The following WDPCP variants were observed in gnomAD, a reference collection of about 807,000 sequenced individuals.
WDPCP encodes WD repeat-containing and planar cell polarity effector protein fritz homolog.
WDPCP carries 71 observed loss-of-function variants against 93.1 expected under a neutral mutation model. The observed-to-expected ratio is 0.76, with a 90% CI of 0.63 to 0.93. The LOEUF (loss-of-function observed/expected upper bound fraction) is 0.93, where lower values mean the gene tolerates loss of function less well. Among genes scored for constraint, WDPCP ranks in the 40% least tolerant of loss-of-function variants. The probability of loss-of-function intolerance (pLI) is 0.00; values close to 1 mark genes in which losing one functional copy is unlikely to be tolerated. For missense variants in WDPCP, 844 were observed against 887.4 expected, an observed-to-expected ratio of 0.95 and a Z score of 0.62; for synonymous variants, 315 against 315.0, an observed-to-expected ratio of 1.00 and a Z score of 0.00.
chr2:63,321,608 C>G (rs1687099731), intron 12 of WDPCP, among the ~76,000 whole-genome samples: 1 of 152,180 alleles, frequency 6.6e-6, no homozygotes, highest in African/African-American at 2.4e-5. Flanking sequence ...TTATTTGGTA[C>G]ACGGATATAA....
chr2:63,234,635 T>G (rs1377697981), intron 14 of WDPCP, among the ~76,000 whole-genome samples: 1 of 152,200 alleles, frequency 6.6e-6, no homozygotes, highest in African/African-American at 2.4e-5. Context: ...GTGATAAACA[T>G]TAAAGAAGAA....
At chr2:63,256,003 A>T (rs368555582) in intron 14 of WDPCP, among the ~76,000 whole-genome samples, 2 of 152,232 alleles carry the variant, frequency 1.3e-5, no homozygotes, top group South Asian at 4.1e-4. Flanking sequence ...TATGAAAACT[A>T]CAAAACATTT....
At chr2:63,408,213 A>C (rs1694746803) in intron 9 of WDPCP, among the ~76,000 whole-genome samples, 1 of 152,184 alleles carries the variant, frequency 6.6e-6, no homozygotes, top group South Asian at 2.1e-4. Flanking sequence ...CTCTGAAGGA[A>C]GCGGACTGCT....
intron 12 of WDPCP, among the ~76,000 whole-genome samples, chr2:63,371,379 G>C (rs1212287854): frequency 6.6e-6 from 1 of 151,910 alleles, no homozygotes; most frequent in Non-Finnish European, 1.5e-5. Context: ...CCTTCTCCTT[G>C]ACCTTCTAAG....
chr2:63,389,952 C>T (rs184199931), intron 10 of WDPCP, among the ~76,000 whole-genome samples: 19 of 152,250 alleles, frequency 1.2e-4, no homozygotes, highest in Non-Finnish European at 2.1e-4. Flanking sequence ...TAATGGGAGA[C>T]TTTAACATCC....
chr2:63,369,769 A>G (rs1367179656), intron 12 of WDPCP, among the ~76,000 whole-genome samples: 10 of 152,204 alleles, frequency 6.6e-5, no homozygotes, highest in Non-Finnish European at 1.5e-5. Context: ...CAGAGTGGGT[A>G]TTAGGGTAGC....
intron 1 of WDPCP, among the ~76,000 whole-genome samples, chr2:63,529,354 T>C (rs1251882070): frequency 5.3e-5 from 8 of 152,238 alleles, no homozygotes; most frequent in Admixed American, 2.6e-4. Flanking sequence ...TGCGGGTTTG[T>C]TGTAAATAGC....
intron 2 of WDPCP, among the ~76,000 whole-genome samples, chr2:63,810,531 G>C (rs2104085299): frequency 6.6e-6 from 1 of 152,208 alleles, no homozygotes; most frequent in East Asian, 1.9e-4. Flanking sequence ...GGCATTGGAG[G>C]GAAAAAGAAC....
chr2:63,570,025 A>C (rs984525717), intron 1 of WDPCP, among the ~76,000 whole-genome samples: 4 of 152,158 alleles, frequency 2.6e-5, no homozygotes, highest in African/African-American at 9.7e-5. Context: ...GGCCATTTTC[A>C]CCACTTATCT....
intron 10 of WDPCP, among the ~76,000 whole-genome samples, chr2:63,389,138 G>A (rs916216335): frequency 1.3e-5 from 2 of 152,134 alleles, no homozygotes; most frequent in African/African-American, 4.8e-5. Context: ...AATGTCAACA[G>A]AAGCCACAAA....
intron 1 of WDPCP, among the ~76,000 whole-genome samples, chr2:63,549,240 A>G (rs541702366): frequency 3.5e-5 from 4 of 112,740 alleles, no homozygotes; most frequent in Non-Finnish European, 7.2e-5. Context: ...ATAGAGTGAG[A>G]CTGTCTCAAA....
rs146682187 is a variant in WDPCP, at chr2:63,188,490, C to A, written c.1916-13658G>T. Among the ~76,000 whole-genome samples, 350 of 151,710 alleles carry A rather than the reference C, an allele frequency of 2.3e-3. 1 individual carries two copies. Among genetic ancestry groups the A allele is most frequent in the Non-Finnish European group, 4.3e-3 (290 of 67,902 alleles). ...TTTAGTTCACTTATATTTTTCAGGT[C>A]CACAGTTTATTTTTGTTTTTTTTTC... is the stretch of plus-strand genomic sequence containing the variant. On this transcript the variant is annotated intron_variant, in intron 14 of 17. Transcript: ENST00000272321.
At chr2:63,594,238 A>G in intron 3 of WDPCP, 1 of 577,222 alleles carries the variant, frequency 1.7e-6, no homozygotes, top group South Asian at 1.4e-5. Flanking sequence ...GTGGTAAAAT[A>G]TCCCAAAAAA....
At chr2:63,808,082 T>C (rs1670794257) in intron 2 of WDPCP, among the ~76,000 whole-genome samples, 1 of 152,170 alleles carries the variant, frequency 6.6e-6, no homozygotes, top group Non-Finnish European at 1.5e-5. Flanking sequence ...CATTAAGACC[T>C]TTAATTCACT....
chr2:63,208,219 ATTATTC>A (rs1207127102), intron 14 of WDPCP, among the ~76,000 whole-genome samples: 2 of 152,088 alleles, frequency 1.3e-5, no homozygotes, highest in Non-Finnish European at 2.9e-5. Context: ...TAGGGAAATT[ATTATTC>A]TTATTCTGTT....
At chr2:63,536,712 T>C (rs1704303578) in intron 1 of WDPCP, among the ~76,000 whole-genome samples, 2 of 131,370 alleles carry the variant, frequency 1.5e-5, no homozygotes, top group Non-Finnish European at 3.2e-5. Context: ...GGAAGATAAA[T>C]AAATGGAAAG....
intron 12 of WDPCP, among the ~76,000 whole-genome samples, chr2:63,333,216 A>T (rs1688108901): frequency 6.6e-6 from 1 of 152,174 alleles, no homozygotes; most frequent in Non-Finnish European, 1.5e-5. Flanking sequence ...TTCTCATCAG[A>T]TGGGTTTTAT....
In WDPCP at chr2:63,588,387, T is replaced by C. The variant is rs1244731535; in HGVS notation, c.-116A>G. The C allele has an allele frequency of 9.0e-6, 11 of 1,226,766 alleles. No homozygotes were observed. The highest frequency in any genetic ancestry group is 4.5e-5 in the African/African-American group (3 of 66,774). 76.0% of individuals were successfully genotyped at this position (1,226,766 alleles called of 1,614,324 possible). On this transcript the variant is annotated 5_prime_UTR_variant, in exon 1 of 18. Transcript: ENST00000272321. ...GGACGCCGCCGCCGCCGCCACAGTT[T>C]CCTCAGGTGCTACAAAGCAGCCAGG...
At chr2:63,160,227 T>C (rs1263481348) in intron 15 of WDPCP, among the ~76,000 whole-genome samples, 5 of 152,232 alleles carry the variant, frequency 3.3e-5, no homozygotes, top group African/African-American at 4.8e-5. Flanking sequence ...CAGAACCTGA[T>C]AATCGTGATT....
Sources: gnomAD v4.1 joint callset for allele counts (sites outside exome capture counted in the v4.1 genomes callset) on GRCh38, gnomAD v4.1.1 for gene constraint, MANE v1.5 for transcripts, NCBI Gene and HGNC (gene_info 2026-07-23, HGNC 2026-07-21) for gene names.